MOCS2: variants seen among roughly 807,000 people sequenced by gnomAD.
The protein encoded by MOCS2 is molybdenum cofactor synthesis 2.
Under a neutral mutation model 21.9 loss-of-function variants are expected in MOCS2, and 13 were observed. The ratio of observed to expected loss-of-function variants is 0.59; its 90% CI spans 0.39 to 0.94. MOCS2 has a LOEUF of 0.94. MOCS2 is among the 40% of genes least tolerant of loss of function. MOCS2 has a pLI of 0.00. For missense variants in MOCS2, 227 were observed against 218.3 expected, an observed-to-expected ratio of 1.04 and a Z score of -0.25; for synonymous variants, 92 against 80.8, an observed-to-expected ratio of 1.14 and a Z score of -0.74.
Position 53,102,138 on chromosome 5 carries a change from A to G in MOCS2, c.185T>C (p.Leu62Ser). The G allele has an allele frequency of 6.2e-7, 1 of 1,613,798 alleles. No individual in the cohort carries two copies. The highest frequency in any genetic ancestry group is 1.1e-5 in the South Asian group (1 of 91,066). Residue 62 changes from leucine to serine, a missense_variant, in exon 4 of 7, where the codon TTG becomes TCG. Coordinates refer to ENST00000396954, the MANE Select transcript of MOCS2 (RefSeq NM_004531.5). ...EKLSVDEVSQLVISPLCGAIS... is the reference protein window; with the variant it reads ...EKLSVDEVSQSVISPLCGAIS... ...TGCACCACAGAGCGGAGAAATCACC[A>G]ACTGTGAGACTTCATCTACTGAAAG... is the stretch of plus-strand genomic sequence containing the variant.
rs1286950690 is a variant in MOCS2, at chr5:53,107,027, T to G, written c.98+50A>C. 1.9e-6 allele frequency: 3 copies of G among 1,603,680 alleles called. No homozygotes were observed. In the East Asian group the frequency reaches 6.7e-5, roughly 36 times the overall value. On this transcript the variant is annotated intron_variant, in intron 3 of 6. Coordinates refer to ENST00000396954, the MANE Select transcript of MOCS2 (RefSeq NM_004531.5). Reference sequence around the variant, plus strand: ...AGCAAACCACATACACTTTATCATCTGTATGATCCTTCCCCACACGACTGA... The same window carrying G: ...AGCAAACCACATACACTTTATCATCGGTATGATCCTTCCCCACACGACTGA...
At chr5:53,105,400 C>G (rs903293831) in intron 3 of MOCS2, among the ~76,000 whole-genome samples, 2 of 151,934 alleles carry the variant, frequency 1.3e-5, no homozygotes, top group Non-Finnish European at 2.9e-5. Flanking sequence ...GAAACAGAAC[C>G]CAGAACCCAG....
Position 53,098,185 on chromosome 5 carries a change from C to T in MOCS2, c.*417G>A, listed in dbSNP as rs1740798959. On this transcript the variant is annotated 3_prime_UTR_variant, in exon 7 of 7. Transcript: ENST00000396954. ...TTTCCAGTTCTGCCAACATTCCTGT[C>T]ATGCATCCTTAATAACAATGCTCTC... 1 of 179,206 alleles carries T rather than the reference C, an allele frequency of 5.6e-6. No homozygotes were observed. Among genetic ancestry groups the T allele is most frequent in the Admixed American group, 5.7e-5 (1 of 17,598 alleles). The allele number at this position is 179,206 out of a possible 1,614,324, so 11.1% of individuals were successfully genotyped here.
intron 6 of MOCS2, 148 bp from the exon 7 acceptor site, chr5:53,098,815 G>T: frequency 1.5e-6 from 1 of 672,308 alleles, no homozygotes; most frequent in Non-Finnish European, 2.7e-6. Context: ...TCATGGGCAA[G>T]GTTACATAGG....
chr5:53,106,118 G>C (rs1045993645), intron 3 of MOCS2, among the ~76,000 whole-genome samples: 5 of 152,136 alleles, frequency 3.3e-5, no homozygotes, highest in Admixed American at 6.5e-5. Flanking sequence ...GCTGCAGGGA[G>C]TGTAAATTAG....
chr5:53,107,346 A>C, intron 2 of MOCS2, 125 bp from the exon 3 acceptor site: 1 of 863,122 alleles, frequency 1.2e-6, no homozygotes, highest in Non-Finnish European at 1.8e-6. Context: ...TTACCAATTA[A>C]ATTTACACAT....
chr5:53,098,787 C>A (rs1740825537), intron 6 of MOCS2, 120 bp from the exon 7 acceptor site: 4 of 775,582 alleles, frequency 5.2e-6, no homozygotes, highest in Middle Eastern at 3.5e-4. Flanking sequence ...CCTCTTTTAA[C>A]AATCATGACG....
chr5:53,100,602 G>A, intron 5 of MOCS2, 68 bp from the exon 6 acceptor site: 1 of 1,552,820 alleles, frequency 6.4e-7, no homozygotes, highest in East Asian at 2.3e-5. Context: ...GAATCTGCTA[G>A]ACAGATGAAA....
intron 3 of MOCS2, among the ~76,000 whole-genome samples, chr5:53,104,227 T>C (rs1740994131): frequency 6.6e-6 from 1 of 152,220 alleles, no homozygotes; most frequent in African/African-American, 2.4e-5. Context: ...GCCGCCTAAG[T>C]GTCTTCCACC....
At chr5:53,100,381 A>T (rs1310979143) in intron 6 of MOCS2, 30 bp downstream of exon 6, 1 of 1,613,026 alleles carries the variant, frequency 6.2e-7, no homozygotes, top group East Asian at 2.2e-5. Context: ...TCAGGTCCAC[A>T]TGCTAAAATG....
chr5:53,100,773 T>A, intron 5 of MOCS2: 1 of 491,686 alleles, frequency 2.0e-6, no homozygotes, highest in Non-Finnish European at 3.7e-6. Flanking sequence ...ACCCTCCTGA[T>A]GGGCACCAAG....
chr5:53,100,466 T>G lies in MOCS2; in HGVS notation c.446A>C (p.Glu149Ala), dbSNP rs1364958236. ...AGTATCAATGGCATAGCTCACAGCT[T>G]CAAGAGATGCAGCTCTGTGGGCTGA... is the stretch of plus-strand genomic sequence containing the variant. Reference protein sequence around the residue: ...VSSAHRAASLEAVSYAIDTLK... With the variant: ...VSSAHRAASLAAVSYAIDTLK... Residue 149 changes from glutamate to alanine, a missense_variant, in exon 6 of 7, where the codon GAA becomes GCA. Glu to Ala is a moderately radical substitution (Grantham distance 107). Transcript: ENST00000396954. The G allele has an allele frequency of 1.9e-6, 3 of 1,613,772 alleles. No individual in the cohort carries two copies. Among genetic ancestry groups the G allele is most frequent in the Non-Finnish European group, 2.5e-6 (3 of 1,179,740 alleles).
intron 3 of MOCS2, among the ~76,000 whole-genome samples, chr5:53,106,074 C>T (rs1405665833): frequency 3.9e-5 from 6 of 152,028 alleles, no homozygotes; most frequent in South Asian, 4.2e-4. Context: ...CAGATGCTGG[C>T]GAGGACGTGA....
At chr5:53,108,689 C>T (rs528039247) in intron 1 of MOCS2, 46 bp from the exon 2 acceptor site, 28 of 1,594,706 alleles carry the variant, frequency 1.8e-5, no homozygotes, top group Admixed American at 1.7e-4. Context: ...TACTCGTTTT[C>T]TGACTGTCAA....
In MOCS2 at chr5:53,107,061, A is replaced by T; in HGVS notation, c.98+16T>A. On this transcript the variant is annotated intron_variant, in intron 3 of 6. Transcript: ENST00000396954. Reference sequence around the variant, plus strand: ...CTTCCCCACACGACTGATTAAGAAAAACAAATCTCACATACCTAGATGGCT... The same window carrying T: ...CTTCCCCACACGACTGATTAAGAAATACAAATCTCACATACCTAGATGGCT... 1.9e-6 allele frequency: 3 copies of T among 1,613,964 alleles called. No individual in the cohort carries two copies. Among genetic ancestry groups the T allele is most frequent in the Non-Finnish European group, 1.7e-6 (2 of 1,179,938 alleles).
At chr5:53,107,319 A>C in intron 2 of MOCS2, 98 bp from the exon 3 acceptor site, 1 of 1,141,302 alleles carries the variant, frequency 8.8e-7, no homozygotes, top group Non-Finnish European at 1.3e-6. Context: ...TAATTATATA[A>C]AGCATCACCT....
In MOCS2 at chr5:53,098,569, AGTTAAGATTGCAT is replaced by A; in HGVS notation, c.*20_*32del. The A allele has an allele frequency of 6.3e-7, 1 of 1,578,654 alleles. No homozygotes were observed. The highest frequency in any genetic ancestry group is 8.7e-7 in the Non-Finnish European group (1 of 1,147,948). On this transcript the variant is annotated 3_prime_UTR_variant, in exon 7 of 7. Transcript: ENST00000396954. ...GTGATCAATAATAATAGTTTAACAA[AGTTAAGATTGCAT>A]GCTCTAAAAACATAAGTGATTAACT...
In MOCS2 at chr5:53,095,710, T is replaced by C. The variant is rs1740708623; in HGVS notation, c.*2892A>G. The C allele has an allele frequency of 6.6e-6, 1 of 152,170 alleles. No homozygotes were observed. Among genetic ancestry groups the C allele is most frequent in the Non-Finnish European group, 1.5e-5 (1 of 68,030 alleles). The allele number at this position is 152,170 out of a possible 1,614,324, so 9.4% of individuals were successfully genotyped here. ...AAAGAGAGCACTAAGTTTTATTTCT[T>C]TGTTTTTCACAGAGCAGGTTAGGAA... is the stretch of plus-strand genomic sequence containing the variant. On this transcript the variant is annotated 3_prime_UTR_variant, in exon 7 of 7. Coordinates refer to ENST00000396954, the MANE Select transcript of MOCS2 (RefSeq NM_004531.5).
In MOCS2 at chr5:53,102,254, A is replaced by G. The variant is rs746345038; in HGVS notation, c.99-30T>C. 2.3e-5 allele frequency: 37 copies of G among 1,602,868 alleles called. No homozygotes were observed. The South Asian group carries it at 3.9e-4, about 17-fold the overall frequency. On this transcript the variant is annotated intron_variant, in intron 3 of 6. Coordinates refer to ENST00000396954, the MANE Select transcript of MOCS2 (RefSeq NM_004531.5). ...AAATAATACATTAACAAACCTTAAC[A>G]GAAGTCCTAGGGGTAAAACACTCAA...
Sources: allele counts gnomAD v4.1 joint callset (sites outside exome capture counted in the v4.1 genomes callset), GRCh38; gene constraint gnomAD v4.1.1; transcripts MANE v1.5; gene names NCBI Gene and HGNC (gene_info 2026-07-23, HGNC 2026-07-21).